The following CCDC102B variants were observed in gnomAD, a reference collection of about 807,000 sequenced individuals.
The protein encoded by CCDC102B is coiled-coil domain containing 102B, also known as coiled-coil domain-containing protein 102B.
Under a neutral mutation model 57.4 loss-of-function variants are expected in CCDC102B, and 75 were observed. The ratio of observed to expected loss-of-function variants is 1.31; its 90% CI spans 1.08 to 1.58. The LOEUF (loss-of-function observed/expected upper bound fraction) is 1.58, where lower values mean the gene tolerates loss of function less well. Ranked by LOEUF, CCDC102B falls within the 40% of genes most tolerant of loss-of-function variation. The probability of loss-of-function intolerance (pLI) is 0.00; values close to 1 mark genes in which losing one functional copy is unlikely to be tolerated. For missense variants in CCDC102B, 636 were observed against 582.6 expected, an observed-to-expected ratio of 1.09 and a Z score of -0.94; for synonymous variants, 206 against 201.9, an observed-to-expected ratio of 1.02 and a Z score of -0.17.
intron 6 of CCDC102B, among the ~76,000 whole-genome samples, chr18:68,991,949 A>C (rs2050879000): frequency 6.6e-6 from 1 of 152,190 alleles, no homozygotes; most frequent in Non-Finnish European, 1.5e-5. Context: ...ACACATAGAA[A>C]GACATACATA....
chr18:68,793,086 A>G (rs1329633880), upstream of CCDC102B, among the ~76,000 whole-genome samples: 1 of 152,298 alleles, frequency 6.6e-6, no homozygotes, highest in Admixed American at 6.5e-5. Flanking sequence ...CTCCTGATTA[A>G]TGAAGAGTGC....
intron 2 of CCDC102B, among the ~76,000 whole-genome samples, chr18:68,768,144 A>G (rs1243740732): frequency 6.6e-6 from 1 of 152,202 alleles, no homozygotes; most frequent in Non-Finnish European, 1.5e-5. Context: ...GCAATTTACA[A>G]TCAGAGAAGA....
At chr18:68,808,689 A>G (rs781451594) in intron 1 of CCDC102B, among the ~76,000 whole-genome samples, 27 of 152,174 alleles carry the variant, frequency 1.8e-4, no homozygotes, top group Non-Finnish European at 2.5e-4. Context: ...CGTATTAGCC[A>G]GGATGGTCTC....
chr18:68,816,274 C>T (rs534990397), intron 1 of CCDC102B, among the ~76,000 whole-genome samples: 2 of 152,200 alleles, frequency 1.3e-5, no homozygotes, highest in South Asian at 4.1e-4. Context: ...TGAATGTCTA[C>T]ATTGTGCCTG....
intron 5 of CCDC102B, among the ~76,000 whole-genome samples, chr18:68,896,401 T>A (rs2040243044): frequency 6.6e-6 from 1 of 151,968 alleles, no homozygotes; most frequent in African/African-American, 2.4e-5. Flanking sequence ...AATCTCCTCA[T>A]GTTGATATAC....
intron 3 of CCDC102B, 72 bp downstream of exon 3, chr18:68,838,998 A>G: frequency 8.3e-7 from 1 of 1,205,180 alleles, no homozygotes. Context: ...ATACAGATAG[A>G]TTGGTCATTT....
intron 5 of CCDC102B, among the ~76,000 whole-genome samples, chr18:68,880,018 C>T (rs1438392687): frequency 2.0e-5 from 3 of 152,056 alleles, no homozygotes; most frequent in Non-Finnish European, 2.9e-5. Flanking sequence ...CTTGGGTGGT[C>T]GATGGGATTG....
At chr18:68,740,476 T>C (rs1054303467) in intron 2 of CCDC102B, among the ~76,000 whole-genome samples, 1 of 152,234 alleles carries the variant, frequency 6.6e-6, no homozygotes, top group Non-Finnish European at 1.5e-5. Flanking sequence ...TTGCTTTGGT[T>C]TTACAGGATT....
At chr18:68,937,197 G>T (rs2049264234) in intron 6 of CCDC102B, among the ~76,000 whole-genome samples, 1 of 151,988 alleles carries the variant, frequency 6.6e-6, no homozygotes, top group Non-Finnish European at 1.5e-5. Context: ...GCACATCACA[G>T]CCTTCTAGCA....
chr18:68,763,378 CTCTT>C (rs1017286106), intron 2 of CCDC102B, among the ~76,000 whole-genome samples: 2 of 152,038 alleles, frequency 1.3e-5, no homozygotes, highest in Non-Finnish European at 2.9e-5. Flanking sequence ...GCCCCTTTCT[CTCTT>C]GTATCCTTTT....
At chr18:68,961,193 A>T (rs2050039373) in intron 6 of CCDC102B, among the ~76,000 whole-genome samples, 1 of 152,138 alleles carries the variant, frequency 6.6e-6, no homozygotes, top group Non-Finnish European at 1.5e-5. Flanking sequence ...TTAGCTTTAA[A>T]GGGATAGTTT....
chr18:68,784,834 C>A (rs1052152700), intron 2 of CCDC102B, among the ~76,000 whole-genome samples: 2 of 147,942 alleles, frequency 1.4e-5, no homozygotes, highest in African/African-American at 2.5e-5. Flanking sequence ...GTTTTGGTAA[C>A]TTTTTTTTTT....
At chr18:68,903,633 T>C (rs533463507) in intron 6 of CCDC102B, among the ~76,000 whole-genome samples, 22 of 152,320 alleles carry the variant, frequency 1.4e-4, no homozygotes, top group Admixed American at 1.2e-3. Context: ...AAGCAGTCTA[T>C]GTATTCTCTA....
chr18:68,868,370 A>G (rs2039095232), intron 4 of CCDC102B, among the ~76,000 whole-genome samples: 1 of 152,154 alleles, frequency 6.6e-6, no homozygotes, highest in South Asian at 2.1e-4. Context: ...ATTTTCTACC[A>G]TTCTCTAAGG....
intron 2 of CCDC102B, chr18:68,754,106 ATAT>A (rs1314029425): frequency 6.6e-6 from 1 of 152,176 alleles, no homozygotes; most frequent in Non-Finnish European, 1.5e-5. Context: ...ACAGAAAAAC[ATAT>A]TATTACTTGG....
At chr18:68,998,999 T>TATAGAG (rs2051122947) in intron 6 of CCDC102B, among the ~76,000 whole-genome samples, 1 of 43,336 alleles carries the variant, frequency 2.3e-5, no homozygotes, top group African/African-American at 7.9e-5. Context: ...TATATATATA[T>TATAGAG]AGAGAGAGAG....
At chr18:68,765,045 TTAAA>T (rs60550530) in intron 2 of CCDC102B, among the ~76,000 whole-genome samples, 45 of 127,148 alleles carry the variant, frequency 3.5e-4, no homozygotes, top group Admixed American at 1.4e-3. Context: ...AAACCCTCTC[TTAAA>T]TAAATAAATA....
chr18:68,781,962 A>G (rs1038551121), intron 2 of CCDC102B, among the ~76,000 whole-genome samples: 8 of 152,152 alleles, frequency 5.3e-5, no homozygotes, highest in African/African-American at 1.9e-4. Flanking sequence ...TAATGTAAAT[A>G]CTGAAGCTAC....
intron 1 of CCDC102B, among the ~76,000 whole-genome samples, chr18:68,815,181 G>A (rs1330399239): frequency 6.6e-6 from 1 of 152,166 alleles, no homozygotes; most frequent in East Asian, 1.9e-4. Flanking sequence ...CAGTTCTAAA[G>A]TCTTACAAGT....
Sources: allele counts gnomAD v4.1 joint callset (sites outside exome capture counted in the v4.1 genomes callset), GRCh38; gene constraint gnomAD v4.1.1; transcripts MANE v1.5; gene names NCBI Gene and HGNC (gene_info 2026-07-23, HGNC 2026-07-21).